ATP11C: variants seen among roughly 807,000 people sequenced by gnomAD.
The protein encoded by ATP11C is ATPase phospholipid transporting 11C (ATP11C blood group).
In ATP11C, 36 loss-of-function variants were observed where a neutral mutation model predicts 97.4. The observed-to-expected ratio is 0.37, with a 90% CI of 0.28 to 0.49. The LOEUF is 0.49. ATP11C is among the 20% of genes least tolerant of loss of function. ATP11C has a pLI of 0.98. For synonymous variants in ATP11C, 275 were observed against 290.9 expected, an observed-to-expected ratio of 0.95 and a Z score of 0.56; for missense variants, 730 against 824.6, an observed-to-expected ratio of 0.89 and a Z score of 1.40.
intron 1 of ATP11C, among the ~76,000 whole-genome samples, chrX:139,837,849 G>A (rs768722147): frequency 8.9e-6 from 1 of 112,011 alleles, no homozygotes; most frequent in East Asian, 2.8e-4. Context: ...TCTCAGCTTG[G>A]TTCCCAGTCA....
rs893405429 is a variant in ATP11C, at chrX:139,887,305, T to G, written c.27+44711A>C. Among the ~76,000 whole-genome samples the G allele has an allele frequency of 3.6e-5, 4 of 112,022 alleles. No individual in the cohort carries two copies. The East Asian group carries it at 1.1e-3, about 31-fold the overall frequency. On this transcript the variant is annotated intron_variant, in intron 1 of 29. Transcript: ENST00000682941. ...GATCCTGAGTTGGGCAACTGTTTCT[T>G]AGATAGGACAGAAAAACCATTAACC...
chrX:139,893,580 T>A (rs1290163877), intron 1 of ATP11C, among the ~76,000 whole-genome samples: 1 of 111,678 alleles, frequency 9.0e-6, no homozygotes, highest in Non-Finnish European at 1.9e-5. Flanking sequence ...ATCATGAGCA[T>A]AACAGGTAAC....
chrX:139,870,451 A>G (rs2084354958), intron 1 of ATP11C, among the ~76,000 whole-genome samples: 1 of 112,444 alleles, frequency 8.9e-6, no homozygotes, highest in African/African-American at 3.2e-5. Flanking sequence ...AAATGTATAA[A>G]CTTTCAATAT....
intron 1 of ATP11C, among the ~76,000 whole-genome samples, chrX:139,904,648 G>A (rs919645774): frequency 1.8e-5 from 2 of 111,966 alleles, no homozygotes; most frequent in African/African-American, 6.5e-5. Context: ...AGAAGTACAA[G>A]GTACTATGAG....
intron 5 of ATP11C, among the ~76,000 whole-genome samples, chrX:139,814,586 TTC>T (rs1213682538): frequency 4.5e-5 from 5 of 111,523 alleles, no homozygotes; most frequent in African/African-American, 1.6e-4. Flanking sequence ...CTCAAAAACA[TTC>T]TGAGTGAAAG....
chrX:139,907,069 C>G (rs1449304577), intron 1 of ATP11C, among the ~76,000 whole-genome samples: 1 of 111,290 alleles, frequency 9.0e-6, no homozygotes, highest in Non-Finnish European at 1.9e-5. Context: ...AACTGCAACC[C>G]TCACCCCTGA....
chrX:139,848,163 G>A (rs1423804500), intron 1 of ATP11C, among the ~76,000 whole-genome samples: 1 of 111,268 alleles, frequency 9.0e-6, no homozygotes, highest in African/African-American at 3.3e-5. Flanking sequence ...ATCAAACACC[G>A]GTCTCTGGTC....
At chrX:139,906,327 G>A (rs2084974958) in intron 1 of ATP11C, among the ~76,000 whole-genome samples, 1 of 108,366 alleles carries the variant, frequency 9.2e-6, no homozygotes, top group African/African-American at 3.4e-5. Flanking sequence ...TGAGGTGGGA[G>A]AATCGCTTGA....
chrX:139,896,869 A>G (rs764004344), intron 1 of ATP11C, among the ~76,000 whole-genome samples: 1 of 110,441 alleles, frequency 9.1e-6, no homozygotes, highest in East Asian at 2.8e-4. Context: ...CCCAATAATA[A>G]TAATATATTA....
chrX:139,796,917 G>GA (rs201123102), intron 11 of ATP11C, among the ~76,000 whole-genome samples: 1,597 of 109,369 alleles, frequency 0.015, 17 homozygotes, highest in Middle Eastern at 0.024. Flanking sequence ...TAAAGTAAAA[G>GA]AAAAAAAACT....
chrX:139,742,927 G>A (rs1377690311), intron 26 of ATP11C, among the ~76,000 whole-genome samples: 1 of 96,738 alleles, frequency 1.0e-5, no homozygotes, highest in Non-Finnish European at 2.0e-5. Context: ...ATAGAGACAG[G>A]GTCTTGCTAT....
intron 6 of ATP11C, among the ~76,000 whole-genome samples, chrX:139,802,724 G>A (rs2082951395): frequency 9.0e-6 from 1 of 111,413 alleles, no homozygotes; most frequent in Non-Finnish European, 1.9e-5. Flanking sequence ...GTATGGCAAT[G>A]GAGATATACA....
chrX:139,847,520 G>A (rs749097301), intron 1 of ATP11C, among the ~76,000 whole-genome samples: 2 of 110,383 alleles, frequency 1.8e-5, no homozygotes, highest in African/African-American at 3.3e-5. Context: ...GGGCAACACA[G>A]TGAGACCTCA....
intron 27 of ATP11C, among the ~76,000 whole-genome samples, chrX:139,740,284 T>TAAA (rs2081528996): frequency 9.0e-6 from 1 of 111,616 alleles, no homozygotes; most frequent in Non-Finnish European, 1.9e-5. Context: ...TGCAAATATA[T>TAAA]AACTCTCCCA....
rs962852673 is a variant in ATP11C at position 139,731,568 on chromosome X, TAG to T, written c.*3+81_*3+82del. The T allele has an allele frequency of 5.7e-5, 30 of 527,537 alleles. 1 individual carries two copies. The highest frequency in any genetic ancestry group is 3.1e-4 in the African/African-American group (13 of 42,302). 43.5% of individuals were successfully genotyped at this position (527,537 alleles called of 1,213,427 possible). A position where few individuals can be genotyped will look rare whatever the true frequency, so the allele number is the denominator to read the frequency against. On this transcript the variant is annotated intron_variant, in intron 29 of 29. Coordinates refer to ENST00000682941, the MANE Select transcript of ATP11C (RefSeq NM_001353812.2). ...CACCACACCAACAGCAGAGAAAATT[TAG>T]AGAGTGATATTTTCATTTTTTCTTT... is the stretch of plus-strand genomic sequence containing the variant.
rs1380785124 is a variant in ATP11C, at chrX:139,802,330, CATA to C, written c.562_564del (p.Tyr188del). The C allele has an allele frequency of 8.5e-7, 1 of 1,179,264 alleles. No individual in the cohort carries two copies. The highest frequency in any genetic ancestry group is 1.8e-5 in the African/African-American group (1 of 56,620). Reference sequence around the variant, plus strand: ...CACAGTGCAATGGTATCACGTACTGCATAATGTGTCTAGTTGAAAGCAGAAGAA... The same window carrying C: ...CACAGTGCAATGGTATCACGTACTGCATGTGTCTAGTTGAAAGCAGAAGAA... On this transcript the variant is annotated inframe_deletion, in exon 7 of 30. Transcript: ENST00000682941.
chrX:139,842,703 T>C (rs1413109281), intron 1 of ATP11C, among the ~76,000 whole-genome samples: 1 of 112,167 alleles, frequency 8.9e-6, no homozygotes, highest in African/African-American at 3.2e-5. Flanking sequence ...TTCCAAGAGA[T>C]TAATGTGTCT....
At chrX:139,739,849 T>C (rs1008799014) in intron 27 of ATP11C, among the ~76,000 whole-genome samples, 11 of 111,826 alleles carry the variant, frequency 9.8e-5, no homozygotes, top group Non-Finnish European at 1.9e-4. Flanking sequence ...TTGAATTATT[T>C]GTTATATTAT....
At chrX:139,757,955 A>G (rs112486906) in intron 22 of ATP11C, 88 bp from the exon 23 acceptor site, 27 of 571,222 alleles carry the variant, frequency 4.7e-5, no homozygotes, top group African/African-American at 1.9e-4. Context: ...CAAATAGTTT[A>G]TAATTATTCC....
Sources: gnomAD v4.1 joint callset for allele counts (sites outside exome capture counted in the v4.1 genomes callset) on GRCh38, gnomAD v4.1.1 for gene constraint, MANE v1.5 for transcripts, NCBI Gene and HGNC (gene_info 2026-07-23, HGNC 2026-07-21) for gene names.